ADAMTS17: variants seen among roughly 807,000 people sequenced by gnomAD.
ADAMTS17 encodes the protein ADAM metallopeptidase with thrombospondin type 1 motif 17.
A neutral mutation model predicts 141.5 loss-of-function variants in ADAMTS17; 113 were observed. The observed-to-expected ratio is 0.80, with a 90% CI of 0.69 to 0.93. ADAMTS17 has a LOEUF of 0.93. Among genes scored for constraint, ADAMTS17 ranks in the 40% least tolerant of loss-of-function variants. ADAMTS17 has a pLI of 0.00. For synonymous variants in ADAMTS17, 768 were observed against 630.6 expected (o/e 1.22, Z -3.27); for missense variants, 1,659 against 1,517.9 (o/e 1.09, Z -1.54).
chr15:100,280,280 C>G (rs987275658), intron 4 of ADAMTS17, among the ~76,000 whole-genome samples: 1 of 152,108 alleles, frequency 6.6e-6, no homozygotes, highest in Admixed American at 6.6e-5. Flanking sequence ...GTGTAGTAGC[C>G]TGGATTTCTC....
chr15:100,258,912 G>A (rs755723583), intron 6 of ADAMTS17, among the ~76,000 whole-genome samples: 16 of 152,102 alleles, frequency 1.1e-4, no homozygotes, highest in Non-Finnish European at 1.3e-4. Context: ...TAATACAGAC[G>A]TCCTGTCAAC....
At chr15:100,074,244 C>T (rs940380258) in intron 15 of ADAMTS17, 18 of 152,522 alleles carry the variant, frequency 1.2e-4, no homozygotes, top group African/African-American at 4.1e-4. Flanking sequence ...GTCAAATATT[C>T]CTGGAGAGAA....
intron 7 of ADAMTS17, among the ~76,000 whole-genome samples, chr15:100,249,046 A>C (rs1309735565): frequency 1.3e-5 from 2 of 151,854 alleles, no homozygotes; most frequent in Admixed American, 6.6e-5. Context: ...TGATCCGCCC[A>C]CCTCGGCCTC....
In ADAMTS17 at chr15:100,055,518, G is replaced by A. The variant is rs141870374; in HGVS notation, c.2138-1464C>T. On this transcript the variant is annotated intron_variant, in intron 15 of 21. Transcript: ENST00000268070. ...GACTGCCAAGAGAAACAGGTTCCTC[G>A]CTTCTAGGAACTTTCCAGCAGAGTG... Among the ~76,000 whole-genome samples, 830 of 152,216 alleles carry A rather than the reference G, an allele frequency of 5.5e-3. 22 individuals carry two copies. The highest frequency in any genetic ancestry group is 0.044 in the Admixed American group (674 of 15,290).
At chr15:100,107,174 G>A (rs1214594436) in intron 14 of ADAMTS17, among the ~76,000 whole-genome samples, 1 of 152,196 alleles carries the variant, frequency 6.6e-6, no homozygotes, top group Non-Finnish European at 1.5e-5. Flanking sequence ...CTGTCTTTGT[G>A]TCTGTCTTTA....
intron 18 of ADAMTS17, among the ~76,000 whole-genome samples, chr15:100,000,816 A>G (rs985379201): frequency 6.6e-6 from 1 of 152,138 alleles, no homozygotes; most frequent in Admixed American, 6.5e-5. Context: ...CCCGGCCCCA[A>G]CCATACTGCT....
intron 7 of ADAMTS17, among the ~76,000 whole-genome samples, chr15:100,203,644 G>A (rs1445571408): frequency 6.6e-6 from 1 of 152,226 alleles, no homozygotes; most frequent in Non-Finnish European, 1.5e-5. Flanking sequence ...GGTGGAGCTT[G>A]CAGTGAGCCG....
intron 7 of ADAMTS17, among the ~76,000 whole-genome samples, chr15:100,203,594 A>G (rs1039415869): frequency 1.3e-4 from 20 of 152,166 alleles, no homozygotes; most frequent in Admixed American, 8.5e-4. Context: ...AGTCCCAGCT[A>G]CTTGGGAGAC....
intron 10 of ADAMTS17, among the ~76,000 whole-genome samples, chr15:100,137,714 T>C (rs1253210423): frequency 2.0e-5 from 3 of 152,192 alleles, no homozygotes; most frequent in Admixed American, 2.0e-4. Context: ...CAGCTGTCTT[T>C]ATACATATAC....
At chr15:100,229,503 G>A (rs2042411487) in intron 7 of ADAMTS17, among the ~76,000 whole-genome samples, 1 of 152,134 alleles carries the variant, frequency 6.6e-6, no homozygotes, top group Non-Finnish European at 1.5e-5. Context: ...TGTTGACCTG[G>A]ATGCTCACTT....
At chr15:99,981,129 A>AT (rs2060475228) in intron 20 of ADAMTS17, among the ~76,000 whole-genome samples, 1 of 152,220 alleles carries the variant, frequency 6.6e-6, no homozygotes, top group Admixed American at 6.5e-5. Context: ...TCCTATGTGA[A>AT]TAAGAGGTTG....
intron 15 of ADAMTS17, among the ~76,000 whole-genome samples, chr15:100,077,748 G>A (rs2034477658): frequency 1.3e-5 from 2 of 152,160 alleles, no homozygotes; most frequent in African/African-American, 4.8e-5. Context: ...ACACTGTACT[G>A]GGAGTTCTAT....
At position 100,340,937 on chromosome 15, in the gene ADAMTS17, G is replaced by A. The variant is rs566686661; in HGVS notation, c.450+102C>T. On this transcript the variant is annotated intron_variant, in intron 2 of 21. Transcript: ENST00000268070. Reference sequence around the variant, plus strand: ...GGGGGTTCCCTCCGGTTCCCCTGGAGGCTGGACTTCCAGCAGAGGCGCCCC... The same window carrying A: ...GGGGGTTCCCTCCGGTTCCCCTGGAAGCTGGACTTCCAGCAGAGGCGCCCC... 343 of 1,483,454 alleles carry A rather than the reference G, an allele frequency of 2.3e-4. No homozygotes were observed. In the African/African-American group the frequency reaches 4.4e-3, roughly 19 times the overall value. 91.9% of individuals were successfully genotyped at this position (1,483,454 alleles called of 1,614,324 possible).
intron 7 of ADAMTS17, among the ~76,000 whole-genome samples, chr15:100,199,957 G>C (rs1371329225): frequency 1.3e-5 from 2 of 152,252 alleles, no homozygotes; most frequent in East Asian, 3.9e-4. Flanking sequence ...GCCGGGGTCT[G>C]TGCTGGGTCT....
intron 15 of ADAMTS17, among the ~76,000 whole-genome samples, chr15:100,091,673 A>C (rs940812408): frequency 6.6e-6 from 1 of 152,170 alleles, no homozygotes; most frequent in Non-Finnish European, 1.5e-5. Flanking sequence ...TGTTTTCAGG[A>C]GCATTAACCA....
intron 8 of ADAMTS17, among the ~76,000 whole-genome samples, chr15:100,176,463 T>G (rs2040342722): frequency 6.6e-6 from 1 of 152,166 alleles, no homozygotes; most frequent in Non-Finnish European, 1.5e-5. Context: ...TTTTTAAAGA[T>G]GCTCAAGGCA....
intron 6 of ADAMTS17, among the ~76,000 whole-genome samples, chr15:100,259,057 T>C (rs2043427252): frequency 6.6e-6 from 1 of 152,156 alleles, no homozygotes; most frequent in Non-Finnish European, 1.5e-5. Flanking sequence ...TAGGGAAAAT[T>C]ACCATAAGCC....
At chr15:100,064,270 C>T (rs1334952969) in intron 15 of ADAMTS17, among the ~76,000 whole-genome samples, 2 of 152,192 alleles carry the variant, frequency 1.3e-5, no homozygotes, top group Non-Finnish European at 2.9e-5. Context: ...GGAACAGATC[C>T]TCCCTCGTGA....
intron 8 of ADAMTS17, among the ~76,000 whole-genome samples, chr15:100,156,979 T>G (rs1264345680): frequency 6.6e-6 from 1 of 152,216 alleles, no homozygotes; most frequent in Non-Finnish European, 1.5e-5. Context: ...TTTAACTGAC[T>G]CACAGTTCTG....
Sources: allele counts gnomAD v4.1 joint callset (sites outside exome capture counted in the v4.1 genomes callset), GRCh38; gene constraint gnomAD v4.1.1; transcripts MANE v1.5; gene names NCBI Gene and HGNC (gene_info 2026-07-23, HGNC 2026-07-21).